The following TRAPPC9 variants were observed in gnomAD, a reference collection of about 807,000 sequenced individuals.
The protein encoded by TRAPPC9 is IKK2 binding protein.
Under a neutral mutation model 124.0 loss-of-function variants are expected in TRAPPC9, and 83 were observed. That is an observed-to-expected ratio of 0.67 (90% confidence interval 0.56 to 0.80). TRAPPC9 has a LOEUF of 0.80. Among genes scored for constraint, TRAPPC9 ranks in the 30% least tolerant of loss-of-function variants. The pLI is 0.00. For missense variants in TRAPPC9, 1,302 were observed against 1,508.3 expected, an observed-to-expected ratio of 0.86 and a Z score of 2.27; for synonymous variants, 638 against 617.5, an observed-to-expected ratio of 1.03 and a Z score of -0.49.
intron 19 of TRAPPC9, among the ~76,000 whole-genome samples, chr8:139,918,624 C>T (rs774332157): frequency 1.2e-4 from 18 of 152,366 alleles, no homozygotes; most frequent in Admixed American, 3.3e-4. Context: ...CTGTTCTCAG[C>T]GTGGAAGTGC....
chr8:140,443,891 C>T (rs925062695), intron 2 of TRAPPC9, among the ~76,000 whole-genome samples: 16 of 151,658 alleles, frequency 1.1e-4, no homozygotes, highest in Admixed American at 3.9e-4. Flanking sequence ...ACAAAATTAG[C>T]CAGGCGTGGT....
At chr8:139,885,804 C>A in intron 21 of TRAPPC9, 75 bp downstream of exon 21, 13 of 1,452,080 alleles carry the variant, frequency 9.0e-6, no homozygotes, top group Non-Finnish European at 1.2e-5. Flanking sequence ...GCCACACCCC[C>A]CAAGACCTTG....
chr8:140,060,572 C>G (rs1842544441), intron 17 of TRAPPC9, among the ~76,000 whole-genome samples: 1 of 150,434 alleles, frequency 6.6e-6, no homozygotes, highest in Admixed American at 6.6e-5. Flanking sequence ...CCCAACCCAG[C>G]CCTACCCATC....
chr8:139,832,031 A>C (rs1826028183), intron 21 of TRAPPC9, among the ~76,000 whole-genome samples: 1 of 152,160 alleles, frequency 6.6e-6, no homozygotes, highest in Non-Finnish European at 1.5e-5. Flanking sequence ...TCCCCTCCCA[A>C]GGTGCTCATA....
At chr8:139,866,512 G>C (rs1828550927) in intron 21 of TRAPPC9, among the ~76,000 whole-genome samples, 1 of 152,192 alleles carries the variant, frequency 6.6e-6, no homozygotes, top group African/African-American at 2.4e-5. Context: ...GGGTCCCCTT[G>C]GTGACCCGTT....
chr8:139,831,467 A>G (rs1369399758), intron 21 of TRAPPC9, among the ~76,000 whole-genome samples: 4 of 152,164 alleles, frequency 2.6e-5, no homozygotes, highest in Admixed American at 1.3e-4. Flanking sequence ...ACTAACACAC[A>G]CACGCTCAGT....
At chr8:140,441,354 G>A (rs1401160506) in intron 2 of TRAPPC9, among the ~76,000 whole-genome samples, 2 of 152,022 alleles carry the variant, frequency 1.3e-5, no homozygotes, top group African/African-American at 2.4e-5. Context: ...AAAAAACTCA[G>A]TATCCAAATG....
In TRAPPC9 at chr8:140,155,004, C is replaced by T. The variant is rs144142249; in HGVS notation, c.2556+66455G>A. Among the ~76,000 whole-genome samples, 12 of 152,316 alleles carry T rather than the reference C, an allele frequency of 7.9e-5. No individual in the cohort carries two copies. The Middle Eastern group carries it at 0.01, about 130-fold the overall frequency. On this transcript the variant is annotated intron_variant, in intron 17 of 22. Transcript: ENST00000438773. Reference sequence around the variant, plus strand: ...GTTAGAATCCTCTGTTGAGTATCTTCTCCTACTGGACTGTGAGTTTCACCC... The same window carrying T: ...GTTAGAATCCTCTGTTGAGTATCTTTTCCTACTGGACTGTGAGTTTCACCC...
At chr8:140,436,359 AAAAAT>A (rs2070813578) in intron 3 of TRAPPC9, among the ~76,000 whole-genome samples, 1 of 152,250 alleles carries the variant, frequency 6.6e-6, no homozygotes, top group African/African-American at 2.4e-5. Context: ...AATAAAAATA[AAAAAT>A]AAAATAATAA....
At chr8:140,176,927 T>C (rs926547449) in intron 17 of TRAPPC9, among the ~76,000 whole-genome samples, 2 of 152,236 alleles carry the variant, frequency 1.3e-5, no homozygotes, top group African/African-American at 4.8e-5. Context: ...CTTTTCATGT[T>C]ATTTGCCATG....
chr8:139,761,701 AC>A (rs1037541373), intron 21 of TRAPPC9, among the ~76,000 whole-genome samples: 65 of 150,960 alleles, frequency 4.3e-4, no homozygotes, highest in African/African-American at 1.6e-3. Context: ...GTGCTGGGTC[AC>A]CCCCCTCAGG....
At chr8:139,809,602 C>G (rs1303645722) in intron 21 of TRAPPC9, among the ~76,000 whole-genome samples, 2 of 152,172 alleles carry the variant, frequency 1.3e-5, no homozygotes, top group Admixed American at 1.3e-4. Flanking sequence ...TGCCTGCTGG[C>G]ATCTGGGGTC....
chr8:140,083,797 G>A (rs945780666), intron 17 of TRAPPC9, among the ~76,000 whole-genome samples: 6 of 152,232 alleles, frequency 3.9e-5, no homozygotes, highest in African/African-American at 1.4e-4. Flanking sequence ...CTCCCAAGTA[G>A]CTAGGATTAC....
chr8:139,850,182 G>A (rs1212815639), intron 21 of TRAPPC9, among the ~76,000 whole-genome samples: 1 of 152,194 alleles, frequency 6.6e-6, no homozygotes, highest in Non-Finnish European at 1.5e-5. Flanking sequence ...GGGTATGAGG[G>A]ACTGAGAAGA....
intron 1 of TRAPPC9, among the ~76,000 whole-genome samples, chr8:140,455,080 G>T (rs2071605620): frequency 6.6e-6 from 1 of 152,162 alleles, no homozygotes; most frequent in African/African-American, 2.4e-5. Context: ...CAATCCAAGA[G>T]ATCTGAAAAC....
chr8:139,955,579 G>A (rs1343268495), intron 19 of TRAPPC9, among the ~76,000 whole-genome samples: 1 of 152,190 alleles, frequency 6.6e-6, no homozygotes, highest in Non-Finnish European at 1.5e-5. Context: ...CTCCCAGGCA[G>A]CCAGTCCAGA....
At chr8:140,066,780 T>C (rs151118899) in intron 17 of TRAPPC9, among the ~76,000 whole-genome samples, 14 of 152,310 alleles carry the variant, frequency 9.2e-5, no homozygotes, top group African/African-American at 3.1e-4. Flanking sequence ...AGATCAAAGA[T>C]ACCTGGCACC....
At chr8:139,955,817 A>C (rs1250452590) in intron 19 of TRAPPC9, among the ~76,000 whole-genome samples, 1 of 152,102 alleles carries the variant, frequency 6.6e-6, no homozygotes, top group Non-Finnish European at 1.5e-5. Flanking sequence ...GGAATCCTCA[A>C]ATAGGTCCCA....
intron 18 of TRAPPC9, among the ~76,000 whole-genome samples, chr8:140,017,883 G>A (rs1207561005): frequency 6.6e-6 from 1 of 151,936 alleles, no homozygotes; most frequent in East Asian, 1.9e-4. Flanking sequence ...TCGTTCTGTT[G>A]CCCAGGCTGG....
Sources: allele counts gnomAD v4.1 joint callset (sites outside exome capture counted in the v4.1 genomes callset), GRCh38; gene constraint gnomAD v4.1.1; transcripts MANE v1.5; gene names NCBI Gene and HGNC (gene_info 2026-07-23, HGNC 2026-07-21).